Variants in MPP7 observed in about 807,000 individuals in gnomAD.
MPP7 encodes the protein MAGUK p55 subfamily member 7.
In MPP7, 60 loss-of-function variants were observed where a neutral mutation model predicts 76.5. The ratio of observed to expected loss-of-function variants is 0.78; its 90% CI spans 0.64 to 0.97. MPP7 has a LOEUF of 0.97. Ranked by LOEUF, MPP7 falls within the 50% of genes least tolerant of loss-of-function variation. MPP7 has a pLI of 0.00. For missense variants in MPP7, 641 were observed against 694.0 expected (o/e 0.92, Z 0.86); for synonymous variants, 237 against 244.5 (o/e 0.97, Z 0.29).
intron 13 of MPP7, among the ~76,000 whole-genome samples, chr10:28,067,927 T>C (rs1320315290): frequency 1.3e-5 from 2 of 152,170 alleles, no homozygotes; most frequent in African/African-American, 2.4e-5. Context: ...CAAGTCAACA[T>C]ATCCTTTCTA....
At chr10:28,326,562 C>T (rs1325481987) in intron 2 of MPP7, among the ~76,000 whole-genome samples, 1 of 152,206 alleles carries the variant, frequency 6.6e-6, no homozygotes, top group Non-Finnish European at 1.5e-5. Flanking sequence ...GAAGGGCTTT[C>T]TTGGCAGTGC....
At chr10:28,208,418 A>G (rs1838017854) in intron 2 of MPP7, among the ~76,000 whole-genome samples, 1 of 152,186 alleles carries the variant, frequency 6.6e-6, no homozygotes, top group Admixed American at 6.5e-5. Context: ...GGAACTGTCA[A>G]GCAAACACCC....
At chr10:28,318,646 C>T (rs927479677) in intron 2 of MPP7, among the ~76,000 whole-genome samples, 12 of 152,166 alleles carry the variant, frequency 7.9e-5, no homozygotes, top group Non-Finnish European at 1.8e-4. Flanking sequence ...GATCATGCCA[C>T]TGCACTCCAG....
At chr10:28,111,948 G>A (rs1289553746) in intron 11 of MPP7, among the ~76,000 whole-genome samples, 1 of 152,252 alleles carries the variant, frequency 6.6e-6, no homozygotes, top group Middle Eastern at 3.4e-3. Flanking sequence ...ATCCATCCAA[G>A]CTACAGAATA....
chr10:28,167,310 CAAAA>C (rs747188721), intron 3 of MPP7, among the ~76,000 whole-genome samples: 147 of 67,812 alleles, frequency 2.2e-3, no homozygotes, highest in African/African-American at 8.0e-3. Context: ...GGCTCTGCCT[CAAAA>C]AAACAAACAA....
At chr10:28,196,460 A>G (rs1837584667) in intron 3 of MPP7, among the ~76,000 whole-genome samples, 1 of 143,966 alleles carries the variant, frequency 6.9e-6, no homozygotes, top group Admixed American at 7.2e-5. Flanking sequence ...AGCCTGGGTG[A>G]CACAGCGAGA....
At chr10:28,254,080 C>G (rs1040151400) in intron 1 of MPP7, among the ~76,000 whole-genome samples, 1 of 142,442 alleles carries the variant, frequency 7.0e-6, no homozygotes, top group Non-Finnish European at 1.5e-5. Context: ...TTCAATTGCA[C>G]TATAATCTCC....
intron 12 of MPP7, among the ~76,000 whole-genome samples, chr10:28,070,312 T>C (rs578039513): frequency 5.3e-5 from 8 of 152,182 alleles, no homozygotes; most frequent in Non-Finnish European, 1.0e-4. Context: ...GGCAGGAGAA[T>C]GGTGTGAACC....
chr10:28,120,040 C>T (rs530337379), intron 10 of MPP7, among the ~76,000 whole-genome samples, 154 bp downstream of exon 10: 4 of 152,088 alleles, frequency 2.6e-5, no homozygotes, highest in African/African-American at 9.6e-5. Context: ...ATTCATCATA[C>T]TTAGTTAGAC....
chr10:28,072,911 A>C (rs964618204), intron 12 of MPP7, among the ~76,000 whole-genome samples: 4 of 152,062 alleles, frequency 2.6e-5, no homozygotes, highest in Non-Finnish European at 4.4e-5. Context: ...CTTGTCCTTT[A>C]TCACACTTGC....
intron 2 of MPP7, among the ~76,000 whole-genome samples, chr10:28,233,939 A>AGAAGAGG (rs1213290426): frequency 6.6e-6 from 1 of 151,818 alleles, no homozygotes; most frequent in Non-Finnish European, 1.5e-5. Flanking sequence ...GAGAGAAGAC[A>AGAAGAGG]GAAGAGGGAA....
At chr10:28,311,949 A>T (rs1038745805) in intron 2 of MPP7, among the ~76,000 whole-genome samples, 5 of 151,970 alleles carry the variant, frequency 3.3e-5, no homozygotes, top group Non-Finnish European at 5.9e-5. Context: ...TAGCTTTTTT[A>T]AAAAAAAGAT....
intron 1 of MPP7, among the ~76,000 whole-genome samples, chr10:28,333,894 A>G (rs1589051387): frequency 6.6e-6 from 1 of 152,204 alleles, no homozygotes. Flanking sequence ...CAGTGGAGAC[A>G]TAATAGTAGC....
intron 8 of MPP7, among the ~76,000 whole-genome samples, chr10:28,121,066 TTGGGAGG>T (rs1248575073): frequency 6.6e-6 from 1 of 152,118 alleles, no homozygotes; most frequent in African/African-American, 2.4e-5. Context: ...TTCCAGTGTT[TTGGGAGG>T]CAAGGTGGCA....
intron 3 of MPP7, among the ~76,000 whole-genome samples, chr10:28,198,469 G>T (rs988486938): frequency 2.0e-5 from 3 of 151,938 alleles, no homozygotes; most frequent in African/African-American, 7.3e-5. Context: ...CAGCTACTTA[G>T]GAGGCTGAGG....
chr10:28,201,564 T>A (rs73608068), intron 3 of MPP7, among the ~76,000 whole-genome samples: 5 of 152,156 alleles, frequency 3.3e-5, no homozygotes, highest in Admixed American at 3.3e-4. Context: ...TGTTGCTGTA[T>A]GGCCAGACCC....
intron 1 of MPP7, among the ~76,000 whole-genome samples, chr10:28,256,322 T>C (rs1839783927): frequency 6.9e-6 from 1 of 143,994 alleles, no homozygotes; most frequent in African/African-American, 2.7e-5. Context: ...TCAGTTGCTT[T>C]CAGGGAAAAA....
At chr10:28,269,325 G>A (rs1175512215) in intron 1 of MPP7, among the ~76,000 whole-genome samples, 2 of 152,012 alleles carry the variant, frequency 1.3e-5, no homozygotes, top group Non-Finnish European at 2.9e-5. Context: ...AACAAACTGA[G>A]GTCGATTTTA....
intron 11 of MPP7, among the ~76,000 whole-genome samples, chr10:28,103,167 G>A (rs1853911042): frequency 6.7e-6 from 1 of 148,338 alleles, no homozygotes; most frequent in African/African-American, 2.5e-5. Flanking sequence ...CCTGTCTCGG[G>A]GCCTTTGCAC....
Sources: allele counts gnomAD v4.1 joint callset (sites outside exome capture counted in the v4.1 genomes callset), GRCh38; gene constraint gnomAD v4.1.1; transcripts MANE v1.5; gene names NCBI Gene and HGNC (gene_info 2026-07-23, HGNC 2026-07-21).